The following CDKN2A variants were observed in gnomAD, a reference collection of about 807,000 sequenced individuals.
CDKN2A encodes cyclin-dependent kinase inhibitor 2A.
CDKN2A carries 3 observed loss-of-function variants against 11.1 expected under a neutral mutation model. The ratio of observed to expected loss-of-function variants is 0.27; its 90% CI spans 0.12 to 0.70. CDKN2A has a LOEUF of 0.70. Among genes scored for constraint, CDKN2A ranks in the 30% least tolerant of loss-of-function variants. The pLI is 0.77. For synonymous variants in CDKN2A, 122 were observed against 108.1 expected, an observed-to-expected ratio of 1.13 and a Z score of -0.80; for missense variants, 265 against 233.6, an observed-to-expected ratio of 1.13 and a Z score of -0.88.
Position 21,971,129 on chromosome 9 carries a change from G to T in CDKN2A, c.230C>A (p.Thr77Asn). 1.3e-6 allele frequency: 2 copies of T among 1,597,522 alleles called. No homozygotes were observed. The highest frequency in any genetic ancestry group is 1.7e-6 in the Non-Finnish European group (2 of 1,177,298). ...AGCGTCGTGCACGGGTCGGGTGAGA[G>T]TGGCGGGGTCGGCGCAGTTGGGCTC... is the stretch of plus-strand genomic sequence containing the variant. ...GAEPNCADPATLTRPVHDAAR... is the reference protein window; with the variant it reads ...GAEPNCADPANLTRPVHDAAR... Residue 77 changes from threonine to asparagine, a missense_variant, in exon 2 of 3, where the codon ACT becomes AAT. Coordinates refer to ENST00000304494, the MANE Select transcript of CDKN2A (RefSeq NM_000077.5).
Position 21,974,556 on chromosome 9 carries a change from T to A in CDKN2A, c.150+122A>T. 1 of 1,613,288 alleles carries A rather than the reference T, an allele frequency of 6.2e-7. No homozygotes were observed. The highest frequency in any genetic ancestry group is 8.5e-7 in the Non-Finnish European group (1 of 1,179,946). ...GTGATTACAAACCCCTTCTGAAAAC[T>A]CCCCAGGAAGCCTCCCCTTTTTCCG... On this transcript the variant is annotated intron_variant, in intron 1 of 2. Transcript: ENST00000304494. This position sits in a 1 kb window ranked among gnomAD's most constrained non-coding sequence, Gnocchi z 5.2.
upstream of CDKN2A, among the ~76,000 whole-genome samples, chr9:21,977,043 T>C (rs985494243): frequency 2.0e-5 from 3 of 152,254 alleles, no homozygotes; most frequent in Non-Finnish European, 4.4e-5. Flanking sequence ...GTAGACCCAG[T>C]ATATCTTGTA....
At chr9:21,987,861 A>T (rs1242396417) in intron 2 of CDKN2A, among the ~76,000 whole-genome samples, 1 of 152,300 alleles carries the variant, frequency 6.6e-6, no homozygotes, top group East Asian at 1.9e-4. Context: ...TTGTGTCCCA[A>T]TGGGCCACTT....
chr9:21,969,930 G>A lies in CDKN2A; in HGVS notation c.457+972C>T, dbSNP rs760984542. ...GGGCTTAGAGCTAACTCTTCACCCT[G>A]TCCTCCCCAGCTCCCCTATGGCCCA... is the stretch of plus-strand genomic sequence containing the variant. On this transcript the variant is annotated intron_variant, in intron 2 of 2. Coordinates refer to ENST00000304494, the MANE Select transcript of CDKN2A (RefSeq NM_000077.5). 1.4e-4 allele frequency: 56 copies of A among 396,464 alleles called. 1 individual carries two copies. Among genetic ancestry groups the A allele is most frequent in the Non-Finnish European group, 2.2e-4 (49 of 225,304 alleles). The allele number at this position is 396,464 out of a possible 1,614,324, so 24.6% of individuals were successfully genotyped here. A position where few individuals can be genotyped will look rare whatever the true frequency, so the allele number is the denominator to read the frequency against.
At chr9:21,992,066 G>A (rs1315237923) in intron 2 of CDKN2A, 26 of 948,318 alleles carry the variant, frequency 2.7e-5, no homozygotes, top group Non-Finnish European at 3.3e-5. Context: ...AACTGGTAAC[G>A]TGGAATTTTA....
Position 21,991,556 on chromosome 9 carries a change from TA to T in CDKN2A, c.-4+2325del. ...CTGGGCCCACTGTTGAACCTTGCTATAAAAAAGTATTTTTGATACCATTTGT... is the reference window on the plus strand; with the variant it reads ...CTGGGCCCACTGTTGAACCTTGCTATAAAAAGTATTTTTGATACCATTTGT... On this transcript the variant is annotated intron_variant, in intron 2 of 3. Coordinates refer to the CDKN2A transcript ENST00000494262. The surrounding 1 kb of genome is among the most constrained non-coding windows in gnomAD (Gnocchi z 5.2). The T allele has an allele frequency of 1.4e-6, 1 of 717,070 alleles. No homozygotes were observed. The highest frequency in any genetic ancestry group is 6.3e-5 in the Admixed American group (1 of 15,914). The allele number at this position is 717,070 out of a possible 1,614,324, so 44.4% of individuals were successfully genotyped here.
At position 21,971,191 on chromosome 9, in the gene CDKN2A, G is replaced by A. The variant is rs771138120; in HGVS notation, c.168C>T (p.Ser56=). The A allele has an allele frequency of 8.1e-6, 13 of 1,597,576 alleles. No homozygotes were observed. Among genetic ancestry groups the A allele is most frequent in the Non-Finnish European group, 1.1e-5 (13 of 1,178,828 alleles). Residue 56 remains serine (S), a synonymous_variant, in exon 2 of 3, where the codon AGC becomes AGT. Transcript: ENST00000304494. ...GCAGCAGCAGCTCCGCCACTCGGGCGCTGCCCATCATCATGACCTGCCAGA... is the reference window on the plus strand; with the variant it reads ...GCAGCAGCAGCTCCGCCACTCGGGCACTGCCCATCATCATGACCTGCCAGA... ...RRPIQVMMMG[S]ARVAELLLLH...
At chr9:21,975,450 G>A (rs1013824469), upstream of CDKN2A, among the ~76,000 whole-genome samples, 4 of 151,352 alleles carry the variant, frequency 2.6e-5, no homozygotes, top group Admixed American at 2.6e-4. Context: ...TCACCTGTAC[G>A]ACTAGAAAGT....
At position 21,974,498 on chromosome 9, in the gene CDKN2A, C is replaced by T. The variant is rs1159190666; in HGVS notation, c.150+180G>A. On this transcript the variant is annotated intron_variant, in intron 1 of 2. Coordinates refer to ENST00000304494, the MANE Select transcript of CDKN2A (RefSeq NM_000077.5). This position sits in a 1 kb window ranked among gnomAD's most constrained non-coding sequence, Gnocchi z 5.2. ...CTCCTCATTCCTCTTCCTTGGCTTC[C>T]CAAGCCCCCAGGGCGTCGCCAGGAG... 4.3e-6 allele frequency: 7 copies of T among 1,613,006 alleles called. No homozygotes were observed. In the Middle Eastern group the frequency reaches 5.0e-4, roughly 114 times the overall value.
rs1554659249 is a variant in CDKN2A, at chr9:21,994,325, G to A, written c.-175-272C>T. ...ATCCGGAGGGTCACCAAGAACCTGC[G>A]CACCATGTTCTCGCCGCCTCCAGGG... On this transcript the variant is annotated intron_variant, in intron 1 of 3. Transcript: ENST00000494262. 1.9e-6 allele frequency: 3 copies of A among 1,606,540 alleles called. No homozygotes were observed. The highest frequency in any genetic ancestry group is 2.5e-6 in the Non-Finnish European group (3 of 1,177,862).
intron 2 of CDKN2A, chr9:21,970,699 G>C (rs1819665233): frequency 3.0e-6 from 2 of 662,590 alleles, no homozygotes; most frequent in South Asian, 3.6e-5. Flanking sequence ...TTTCACGTGC[G>C]CAAGTCCATT....
In CDKN2A at chr9:21,994,197, G is replaced by C. The variant is rs766676234; in HGVS notation, c.-175-144C>G. The C allele has an allele frequency of 7.5e-6, 12 of 1,606,520 alleles. No individual in the cohort carries two copies. The highest frequency in any genetic ancestry group is 1.3e-5 in the African/African-American group (1 of 75,062). On this transcript the variant is annotated intron_variant, in intron 1 of 3. Coordinates refer to the CDKN2A transcript ENST00000494262. ...GCTGGCTCCTCAGTAGCATCAGCACGAGGGCCACAGCGGCGGGCGCCCCTG... is the reference window on the plus strand; with the variant it reads ...GCTGGCTCCTCAGTAGCATCAGCACCAGGGCCACAGCGGCGGGCGCCCCTG...
chr9:21,971,006 G>C lies in CDKN2A; in HGVS notation c.353C>G (p.Ala118Gly), dbSNP rs1060501270. Reference sequence around the variant, plus strand: ...GACATCGCGATGGCCCAGCTCCTCAGCCAGGTCCACGGGCAGACGGCCCCA... The same window carrying C: ...GACATCGCGATGGCCCAGCTCCTCACCCAGGTCCACGGGCAGACGGCCCCA... ...DAWGRLPVDL[A>G]EELGHRDVAR... Residue 118 changes from alanine (A) to glycine (G), a missense_variant, in exon 2 of 3, where the codon GCT becomes GGT. Physicochemically the swap from Ala to Gly is moderately conservative, Grantham distance 60. Transcript: ENST00000304494. The C allele has an allele frequency of 6.2e-7, 1 of 1,608,932 alleles. No homozygotes were observed. The highest frequency in any genetic ancestry group is 8.5e-7 in the Non-Finnish European group (1 of 1,179,872).
At chr9:21,990,765 A>G (rs536560692) in intron 2 of CDKN2A, among the ~76,000 whole-genome samples, 17 of 152,334 alleles carry the variant, frequency 1.1e-4, no homozygotes, top group African/African-American at 3.8e-4. Context: ...TAACTGTACC[A>G]TAATTTAACA....
chr9:21,969,678 C>A, intron 2 of CDKN2A: 1 of 394,414 alleles, frequency 2.5e-6, no homozygotes, highest in South Asian at 1.3e-4. Flanking sequence ...GCTTTTTGCT[C>A]AGCCCTGGAA....
chr9:21,974,625 G>A lies in CDKN2A; in HGVS notation c.150+53C>T, dbSNP rs2131111168. 6.2e-7 allele frequency: 1 copy of A among 1,614,108 alleles called. No homozygotes were observed. The highest frequency in any genetic ancestry group is 8.5e-7 in the Non-Finnish European group (1 of 1,180,018). ...TGATTCCAATTCCCCTGCAAACTTCGTCCTCCAGAGTCGCCCGCCATCCCC... is the reference window on the plus strand; with the variant it reads ...TGATTCCAATTCCCCTGCAAACTTCATCCTCCAGAGTCGCCCGCCATCCCC... On this transcript the variant is annotated intron_variant, in intron 1 of 2. Coordinates refer to ENST00000304494, the MANE Select transcript of CDKN2A (RefSeq NM_000077.5). This position sits in a 1 kb window ranked among gnomAD's most constrained non-coding sequence, Gnocchi z 5.2.
Position 21,968,194 on chromosome 9 carries a change from G to A in CDKN2A, c.*35C>T. 7 of 1,607,676 alleles carry A rather than the reference G, an allele frequency of 4.4e-6. No individual in the cohort carries two copies. Among genetic ancestry groups the A allele is most frequent in the Non-Finnish European group, 6.0e-6 (7 of 1,174,382 alleles). On this transcript the variant is annotated 3_prime_UTR_variant, in exon 3 of 3. Transcript: ENST00000304494. The surrounding 1 kb of genome is among the most constrained non-coding windows in gnomAD (Gnocchi z 4.7). ...GGACCTTCGGTGACTGATGATCTAA[G>A]TTTCCCGAGGTTTCTCAGAGCCTCT...
intron 2 of CDKN2A, among the ~76,000 whole-genome samples, chr9:21,987,436 G>C (rs201107726): frequency 0.73 from 85,333 of 116,486 alleles, 29,406 homozygotes; most frequent in East Asian, 0.86. Context: ...CACACACAGA[G>C]AGAGAGAGAG....
intron 2 of CDKN2A, 51 bp downstream of exon 2, chr9:21,970,850 TC>T: frequency 6.3e-7 from 1 of 1,597,220 alleles, no homozygotes; most frequent in Non-Finnish European, 8.5e-7. Context: ...AAATGAATGC[TC>T]TGAGCTTTGG....
Sources: allele counts gnomAD v4.1 joint callset (sites outside exome capture counted in the v4.1 genomes callset), GRCh38; gene constraint gnomAD v4.1.1; non-coding constraint Gnocchi (gnomAD v3.1); transcripts MANE v1.5; gene names NCBI Gene and HGNC (gene_info 2026-07-23, HGNC 2026-07-21).